The following HERC2 variants were observed in gnomAD, a reference collection of about 807,000 sequenced individuals.
HERC2 encodes the protein E3 ubiquitin-protein ligase HERC2.
In HERC2, 102 loss-of-function variants were observed where a neutral mutation model predicts 537.7. The observed-to-expected ratio is 0.19, with a 90% CI of 0.16 to 0.22. The LOEUF (loss-of-function observed/expected upper bound fraction) is 0.22. Among genes scored for constraint, HERC2 ranks in the 10% least tolerant of loss-of-function variants. HERC2 has a pLI of 1.00. For synonymous variants in HERC2, 2,224 were observed against 2,466.2 expected (o/e 0.90, Z 2.91); for missense variants, 4,236 against 6,198.2 (o/e 0.68, Z 10.63).
rs77047768 is a variant in HERC2, at chr15:28,147,210, A to G, written c.10901-866T>C. Among the ~76,000 whole-genome samples, 547 of 144,734 alleles carry G rather than the reference A, an allele frequency of 3.8e-3. 5 individuals are homozygous for G. Among genetic ancestry groups the G allele is most frequent in the African/African-American group, 0.01 (400 of 39,124 alleles). The allele number at this position is 144,734 out of a possible 152,430, so 95.0% of individuals were successfully genotyped here. On this transcript the variant is annotated intron_variant, in intron 70 of 92. Transcript: ENST00000261609. ...AGAAAACAGGATTTGCTGGTGGACT[A>G]GATATAAAGCGAGAGAGAAACAGAA...
At chr15:28,114,286 G>T in intron 90 of HERC2, among the ~76,000 whole-genome samples, 1 of 152,220 alleles carries the variant, frequency 6.6e-6, no homozygotes, top group East Asian at 1.9e-4. Flanking sequence ...CCTGGAGGGG[G>T]TTGAGACAGC....
At chr15:28,195,633 A>G (rs7171281) in intron 52 of HERC2, among the ~76,000 whole-genome samples, 11,010 of 150,902 alleles carry the variant, frequency 0.073, 1,377 homozygotes, top group African/African-American at 0.26. Context: ...GGTCATATTC[A>G]TAGAGACCAA....
At chr15:28,250,720 T>C (rs1372118521) in intron 20 of HERC2, among the ~76,000 whole-genome samples, 1 of 152,136 alleles carries the variant, frequency 6.6e-6, no homozygotes, top group African/African-American at 2.4e-5. Flanking sequence ...TTAGATAAAC[T>C]ACTGTTCAAC....
At chr15:28,145,707 G>A (rs1891661767) in intron 71 of HERC2, among the ~76,000 whole-genome samples, 1 of 152,158 alleles carries the variant, frequency 6.6e-6, no homozygotes, top group Admixed American at 6.5e-5. Context: ...CTTAAAAGGT[G>A]CATACACACA....
intron 45 of HERC2, chr15:28,204,015 T>C (rs1178336200): frequency 6.6e-6 from 1 of 151,928 alleles, no homozygotes; most frequent in African/African-American, 2.4e-5. Flanking sequence ...TAAGGGCAAA[T>C]ACAAAATCAT....
At chr15:28,247,481 T>C (rs150504660) in intron 21 of HERC2, among the ~76,000 whole-genome samples, 2,671 of 139,808 alleles carry the variant, frequency 0.019, 82 homozygotes, top group African/African-American at 0.069. Context: ...CAGGCTGGAA[T>C]GCAATGGTCT....
chr15:28,272,812 T>C, intron 8 of HERC2, 82 bp downstream of exon 8: 3 of 895,934 alleles, frequency 3.3e-6, no homozygotes, highest in Non-Finnish European at 5.3e-6. Context: ...TCACAAACGA[T>C]TCAGTGAAAC....
intron 83 of HERC2, among the ~76,000 whole-genome samples, chr15:28,125,837 G>C (rs957996917): frequency 6.6e-6 from 1 of 152,190 alleles, no homozygotes; most frequent in Middle Eastern, 3.4e-3. Flanking sequence ...CTGTGATGAA[G>C]TCTCACTTTG....
intron 69 of HERC2, among the ~76,000 whole-genome samples, chr15:28,153,120 G>A (rs1463772824): frequency 3.9e-5 from 6 of 152,218 alleles, no homozygotes; most frequent in African/African-American, 1.2e-4. Context: ...TTGGAAGGCC[G>A]AGGCAAGCGG....
At chr15:28,310,749 T>C (rs1361007285) in intron 2 of HERC2, among the ~76,000 whole-genome samples, 3 of 152,128 alleles carry the variant, frequency 2.0e-5, no homozygotes, top group African/African-American at 7.2e-5. Flanking sequence ...TGTCTTAAAG[T>C]GTTTCAGAAA....
chr15:28,292,579 T>C (rs2076347280), intron 4 of HERC2, among the ~76,000 whole-genome samples: 1 of 151,526 alleles, frequency 6.6e-6, no homozygotes, highest in South Asian at 2.1e-4. Context: ...AACTCAGGAG[T>C]GTGAGGCAGG....
Position 28,248,557 on chromosome 15 carries a change from A to G in HERC2, c.3230T>C (p.Ile1077Thr), listed in dbSNP as rs1158120223. The G allele has an allele frequency of 3.7e-6, 6 of 1,612,464 alleles. No homozygotes were observed. Among genetic ancestry groups the G allele is most frequent in the African/African-American group, 1.3e-5 (1 of 74,990 alleles). Residue 1077 changes from isoleucine to threonine, a missense_variant, in exon 21 of 93, where the codon ATT becomes ACT. Ile to Thr is a moderately conservative substitution (Grantham distance 89, BLOSUM62 -1). Coordinates refer to ENST00000261609, the MANE Select transcript of HERC2 (RefSeq NM_004667.6). ...PGESIGQTSD[I>T]SSPELMGVGS... is the part of the protein sequence containing the mutation. ...TCACATTTTAAGCAACTTACTAGAA[A>G]TATCTGAGGTCTGACCAATACTTTC...
In HERC2 at chr15:28,284,919, GAAAAAAAAAAAAAA is replaced by G. The variant is rs551327935; in HGVS notation, c.323-4646_323-4633del. On this transcript the variant is annotated intron_variant, in intron 4 of 92. Transcript: ENST00000261609. ...GCAAAAGGAGCGAAACTCCGTCTCG[GAAAAAAAAAAAAAA>G]AAAAAAAAAAAAAAAAGATAATTAC... 2.2e-3 allele frequency among the ~76,000 whole-genome samples: 73 copies of G among 32,552 alleles called. 2 individuals carry two copies. In the South Asian group the frequency reaches 0.084, roughly 37 times the overall value. The allele number at this position is 32,552 out of a possible 152,430, so 21.4% of individuals were successfully genotyped here.
chr15:28,172,663 T>A (rs1894813880), intron 65 of HERC2, among the ~76,000 whole-genome samples: 1 of 152,206 alleles, frequency 6.6e-6, no homozygotes, highest in African/African-American at 2.4e-5. Flanking sequence ...AAAACTTCTA[T>A]AACAGAACAT....
intron 69 of HERC2, among the ~76,000 whole-genome samples, chr15:28,153,085 G>T (rs1304796195): frequency 6.6e-6 from 1 of 152,230 alleles, no homozygotes; most frequent in Admixed American, 6.5e-5. Context: ...CAGGCACGGT[G>T]GCTCACGCCT....
intron 3 of HERC2, among the ~76,000 whole-genome samples, chr15:28,295,353 ACAGCCCACAGGACAAACC>A (rs2076439627): frequency 6.6e-6 from 1 of 150,468 alleles, no homozygotes; most frequent in Admixed American, 6.6e-5. Context: ...GTCACTAACC[ACAGCCCACAGGACAAACC>A]CAGCCCACAG....
Position 28,132,771 on chromosome 15 carries a change from G to A in HERC2, c.12290C>T (p.Ala4097Val). 6.2e-7 allele frequency: 1 copy of A among 1,607,546 alleles called. No individual in the cohort carries two copies. The highest frequency in any genetic ancestry group is 8.5e-7 in the Non-Finnish European group (1 of 1,177,180). ...ACAGGCGCTGTGGGCTCCGCCAGCA[G>A]CAACATCGACCACTTCAATTCCTCT... ...SLRGIEVVDV[A>V]AGGAHSACVT... The change falls in exon 80 of 93, where the codon GCT (alanine) becomes GTT (valine). Residue 4097 changes from alanine (A) to valine (V), a missense_variant. Ala to Val is a moderately conservative substitution (Grantham distance 64). This residue lies in a region of HERC2 where 94 missense variants were observed against 137.4 expected (regional missense o/e 0.68). Coordinates refer to ENST00000261609, the MANE Select transcript of HERC2 (RefSeq NM_004667.6).
chr15:28,197,310 C>T (rs865844581), intron 50 of HERC2, among the ~76,000 whole-genome samples: 43 of 152,164 alleles, frequency 2.8e-4, no homozygotes, highest in African/African-American at 9.9e-4. Context: ...ACTGTTAAAA[C>T]GGACATAGTA....
In HERC2 at chr15:28,167,730, C is replaced by T; in HGVS notation, c.10511G>A (p.Gly3504Glu). ...GGTTTCTGCAATGATGCTTGCGGCT[C>T]CCAGGTCATCCGTCACTGGGATAAA... ...RPFIPVTDDLGAASIIAETMT... is the reference protein window; with the variant it reads ...RPFIPVTDDLEAASIIAETMT... Residue 3504 changes from glycine to glutamate, a missense_variant, in exon 68 of 93, where the codon GGA becomes GAA. Physicochemically the swap from Gly to Glu is moderately conservative, Grantham distance 98 (BLOSUM62 -2). This residue lies in a region of HERC2 where 356 missense variants were observed against 450.9 expected (regional missense o/e 0.79). Coordinates refer to ENST00000261609, the MANE Select transcript of HERC2 (RefSeq NM_004667.6). 1.9e-6 allele frequency: 3 copies of T among 1,614,146 alleles called. No homozygotes were observed. Among genetic ancestry groups the T allele is most frequent in the South Asian group, 2.2e-5 (2 of 91,076 alleles).
Sources: allele counts gnomAD v4.1 joint callset (sites outside exome capture counted in the v4.1 genomes callset), GRCh38; gene constraint gnomAD v4.1.1; regional missense constraint gnomAD v4.1.1; transcripts MANE v1.5; gene names NCBI Gene and HGNC (gene_info 2026-07-23, HGNC 2026-07-21).